SLC36A1: variants seen among roughly 807,000 people sequenced by gnomAD.
SLC36A1 encodes proton-coupled amino acid transporter 1.
A neutral mutation model predicts 47.5 loss-of-function variants in SLC36A1; 30 were observed. That is an observed-to-expected ratio of 0.63 (90% confidence interval 0.47 to 0.86). SLC36A1 has a LOEUF of 0.86. Among genes scored for constraint, SLC36A1 ranks in the 40% least tolerant of loss-of-function variants. The probability of loss-of-function intolerance (pLI) is 0.00; values close to 1 mark genes in which losing one functional copy is unlikely to be tolerated. For missense variants in SLC36A1, 517 were observed against 606.0 expected (o/e 0.85, Z 1.54); for synonymous variants, 255 against 249.7 (o/e 1.02, Z -0.20).
At chr5:151,532,093 T>TG in the SLC36A1 span, 6 of 1,313,250 alleles carry the variant, frequency 4.6e-6, no homozygotes, top group Admixed American at 1.3e-4. Flanking sequence ...CAAGCTGGCT[T>TG]GGGTATATGA....
chr5:151,467,649 T>C, intron 6 of SLC36A1, 58 bp from the exon 7 acceptor site: 2 of 1,408,862 alleles, frequency 1.4e-6, no homozygotes, highest in South Asian at 2.3e-5. Context: ...CAGCAGAGGA[T>C]CCACCGGCCT....
At chr5:151,396,973 C>T in the SLC36A1 span, among the ~76,000 whole-genome samples, 1 of 152,228 alleles carries the variant, frequency 6.6e-6, no homozygotes, top group Non-Finnish European at 1.5e-5. Context: ...GCCACCTCTC[C>T]TTTCATCTGA....
chr5:151,515,261 A>G, the SLC36A1 span, among the ~76,000 whole-genome samples: 1 of 152,096 alleles, frequency 6.6e-6, no homozygotes, highest in Admixed American at 6.5e-5. Context: ...CCGGTTACTC[A>G]TGTTCAGTCT....
intron 1 of SLC36A1, among the ~76,000 whole-genome samples, chr5:151,450,595 A>G (rs141353303): frequency 7.9e-4 from 121 of 152,292 alleles, no homozygotes; most frequent in Middle Eastern, 6.8e-3. Flanking sequence ...ACTGGCATGT[A>G]GAGTGGATGG....
the SLC36A1 span, chr5:151,528,283 C>T: frequency 2.4e-4 from 207 of 849,772 alleles, 1 homozygote; most frequent in South Asian, 3.5e-3. Context: ...AATCTCTTCA[C>T]TTACATCCTC....
intron 6 of SLC36A1, 104 bp from the exon 7 acceptor site, chr5:151,467,603 G>C (rs1197924762): frequency 2.2e-5 from 21 of 956,494 alleles, no homozygotes; most frequent in Non-Finnish European, 3.0e-5. Context: ...AAAAGGCCTT[G>C]TTCACACACC....
upstream of SLC36A1, among the ~76,000 whole-genome samples, chr5:151,442,995 A>G (rs943215278): frequency 6.6e-6 from 1 of 152,260 alleles, no homozygotes; most frequent in East Asian, 1.9e-4. Context: ...TTTTTTAGAA[A>G]AATGTTTGTA....
chr5:151,515,639 C>G, the SLC36A1 span, among the ~76,000 whole-genome samples: 1 of 152,210 alleles, frequency 6.6e-6, no homozygotes, highest in African/African-American at 2.4e-5. Flanking sequence ...TCTCTCCCAC[C>G]CTTCATTCAA....
the SLC36A1 span, among the ~76,000 whole-genome samples, chr5:151,358,415 G>A: frequency 6.6e-6 from 1 of 152,016 alleles, no homozygotes; most frequent in Non-Finnish European, 1.5e-5. Flanking sequence ...GAAACTACAG[G>A]CATGCACTAC....
the SLC36A1 span, among the ~76,000 whole-genome samples, chr5:151,397,818 C>T: frequency 2.7e-4 from 36 of 134,140 alleles, no homozygotes; most frequent in Middle Eastern, 4.3e-3. Context: ...CCAGATTTAA[C>T]TAAAATTATT....
chr5:151,428,102 C>A, the SLC36A1 span, among the ~76,000 whole-genome samples: 1 of 152,182 alleles, frequency 6.6e-6, no homozygotes, highest in South Asian at 2.1e-4. Context: ...GGCGGCAACT[C>A]CAGAGACATG....
At chr5:151,384,308 A>G in the SLC36A1 span, among the ~76,000 whole-genome samples, 1 of 152,224 alleles carries the variant, frequency 6.6e-6, no homozygotes, top group East Asian at 1.9e-4. Flanking sequence ...ATTATTAGTT[A>G]CTTGCCTGAG....
At chr5:151,345,681 TA>T in the SLC36A1 span, among the ~76,000 whole-genome samples, 6 of 152,232 alleles carry the variant, frequency 3.9e-5, no homozygotes. Flanking sequence ...GTCAGCGGGT[TA>T]CTTTGGAAAT....
intron 2 of SLC36A1, among the ~76,000 whole-genome samples, chr5:151,463,154 C>A (rs1755804814): frequency 6.6e-6 from 1 of 152,222 alleles, no homozygotes; most frequent in Non-Finnish European, 1.5e-5. Flanking sequence ...GGATTATAGG[C>A]ATGAGCCACT....
the SLC36A1 span, chr5:151,347,436 C>G: frequency 1.2e-6 from 2 of 1,614,104 alleles, no homozygotes; most frequent in South Asian, 2.2e-5. Flanking sequence ...CCCTGGGGAC[C>G]CTCAGTACTT....
intron 10 of SLC36A1, among the ~76,000 whole-genome samples, chr5:151,486,405 A>G (rs1253286700): frequency 6.6e-6 from 1 of 152,166 alleles, no homozygotes; most frequent in African/African-American, 2.4e-5. Context: ...TTGTTTCCAC[A>G]TGTCTCTCAT....
downstream of SLC36A1, among the ~76,000 whole-genome samples, chr5:151,496,699 G>A (rs530368966): frequency 1.8e-3 from 272 of 152,276 alleles, 1 homozygote; most frequent in Non-Finnish European, 3.3e-3. Context: ...GGGACTACAG[G>A]TGCATGCCAC....
the SLC36A1 span, among the ~76,000 whole-genome samples, chr5:151,408,007 C>T: frequency 2.0e-5 from 3 of 152,182 alleles, no homozygotes; most frequent in Non-Finnish European, 4.4e-5. Context: ...GTTTACTTCT[C>T]GCCACAACCC....
downstream of SLC36A1, among the ~76,000 whole-genome samples, chr5:151,492,616 G>A (rs774500503): frequency 2.0e-5 from 3 of 151,932 alleles, no homozygotes; most frequent in African/African-American, 7.3e-5. Flanking sequence ...TGCTTCTCTC[G>A]AAAACTTGAG....
Sources: gnomAD v4.1 joint callset for allele counts (sites outside exome capture counted in the v4.1 genomes callset) on GRCh38, gnomAD v4.1.1 for gene constraint, MANE v1.5 for transcripts, NCBI Gene and HGNC (gene_info 2026-07-23, HGNC 2026-07-21) for gene names.